Variants in RORB observed in about 807,000 individuals in gnomAD.
The protein encoded by RORB is RAR related orphan receptor B, also known as nuclear receptor ROR-beta.
RORB carries 6 observed loss-of-function variants against 59.1 expected under a neutral mutation model. That is an observed-to-expected ratio of 0.10 (90% CI 0.06 to 0.20). The LOEUF is 0.20. RORB is among the 10% of genes least tolerant of loss of function. RORB has a pLI of 1.00. For missense variants in RORB, 320 were observed against 560.5 expected, an observed-to-expected ratio of 0.57 and a Z score of 4.33; for synonymous variants, 215 against 204.5, an observed-to-expected ratio of 1.05 and a Z score of -0.44.
At chr9:74,614,452 G>T (rs1052671159) in intron 1 of RORB, among the ~76,000 whole-genome samples, 1 of 151,962 alleles carries the variant, frequency 6.6e-6, no homozygotes. Flanking sequence ...GATTATAGTT[G>T]CTCTTGGCAC....
chr9:74,649,371 C>T (rs75325371), intron 4 of RORB, among the ~76,000 whole-genome samples: 108 of 152,296 alleles, frequency 7.1e-4, no homozygotes, highest in East Asian at 6.8e-3. Context: ...CACAGAATAT[C>T]TCCCAAAGCC....
intron 1 of RORB, among the ~76,000 whole-genome samples, chr9:74,601,384 A>AT (rs1299941338): frequency 2.4e-5 from 3 of 122,920 alleles, no homozygotes; most frequent in East Asian, 6.0e-4. Context: ...TATATATATT[A>AT]TATATATATA....
chr9:74,584,562 T>A (rs900609884), intron 1 of RORB, among the ~76,000 whole-genome samples: 4 of 152,206 alleles, frequency 2.6e-5, no homozygotes, highest in Admixed American at 1.3e-4. Context: ...AGTCTGGGAC[T>A]TTCACCATGC....
intron 1 of RORB, among the ~76,000 whole-genome samples, chr9:74,581,283 A>C (rs1388535685): frequency 6.6e-6 from 1 of 152,072 alleles, no homozygotes; most frequent in Non-Finnish European, 1.5e-5. Context: ...ATAGTGGTAA[A>C]AGGTTAGGAA....
At chr9:74,615,226 G>A (rs1823292169) in intron 1 of RORB, among the ~76,000 whole-genome samples, 1 of 152,164 alleles carries the variant, frequency 6.6e-6, no homozygotes, top group Non-Finnish European at 1.5e-5. Context: ...CATGCCATAT[G>A]CATATCGAAT....
At chr9:74,589,965 A>T (rs1351846778) in intron 1 of RORB, among the ~76,000 whole-genome samples, 5 of 152,206 alleles carry the variant, frequency 3.3e-5, no homozygotes, top group Non-Finnish European at 7.3e-5. Flanking sequence ...TTAAAATCAA[A>T]TTCCACCTCC....
intron 1 of RORB, among the ~76,000 whole-genome samples, chr9:74,608,912 C>T (rs1361963633): frequency 2.6e-5 from 4 of 152,170 alleles, no homozygotes; most frequent in Admixed American, 2.6e-4. Context: ...TTAGTAAGTA[C>T]CCTTCAGATA....
intron 4 of RORB, among the ~76,000 whole-genome samples, chr9:74,659,488 TGTTTTGTTTTGTTTTGCTTC>T (rs1166626674): frequency 6.6e-6 from 1 of 152,070 alleles, no homozygotes; most frequent in Non-Finnish European, 1.5e-5. Flanking sequence ...AGGCTTGTTT[TGTTTTGTTTTGTTTTGCTTC>T]GTTTTGTTTT....
intron 1 of RORB, among the ~76,000 whole-genome samples, chr9:74,623,409 C>T (rs946657655): frequency 5.9e-5 from 9 of 151,318 alleles, no homozygotes; most frequent in African/African-American, 2.2e-4. Context: ...CTTTTTTCTG[C>T]CTTGTCAATT....
At chr9:74,556,822 CA>C (rs1822299277) in intron 1 of RORB, among the ~76,000 whole-genome samples, 1 of 152,100 alleles carries the variant, frequency 6.6e-6, no homozygotes, top group East Asian at 1.9e-4. Flanking sequence ...TGAATGGGGC[CA>C]TAGAAATATT....
At chr9:74,615,242 T>C (rs1823293306) in intron 1 of RORB, among the ~76,000 whole-genome samples, 1 of 152,230 alleles carries the variant, frequency 6.6e-6, no homozygotes, top group Non-Finnish European at 1.5e-5. Context: ...CGAATCTGTT[T>C]CCAAAAGGAT....
chr9:74,642,168 A>C (rs1255692254), intron 3 of RORB, among the ~76,000 whole-genome samples: 1 of 152,200 alleles, frequency 6.6e-6, no homozygotes, highest in African/African-American at 2.4e-5. Context: ...AAATACATAC[A>C]TAAGTTTTTA....
At chr9:74,669,875 C>A (rs1345375193) in intron 8 of RORB, among the ~76,000 whole-genome samples, 1 of 152,170 alleles carries the variant, frequency 6.6e-6, no homozygotes, top group Non-Finnish European at 1.5e-5. Flanking sequence ...TTTCCAATAA[C>A]ACCAATGTCT....
At chr9:74,620,490 A>AG (rs141567540) in intron 1 of RORB, among the ~76,000 whole-genome samples, 1 of 151,800 alleles carries the variant, frequency 6.6e-6, no homozygotes, top group Non-Finnish European at 1.5e-5. Flanking sequence ...TTTCAAAAAA[A>AG]CCAGCTCCTG....
chr9:74,545,868 T>C lies in RORB; in HGVS notation c.7+47885T>C, dbSNP rs112938484. ...GGCATAAGCCAATAATTGATGGACC[T>C]TTCGTAGAGCCTTTAAATCAGGGCA... On this transcript the variant is annotated intron_variant, in intron 1 of 9. Transcript: ENST00000376896. Among the ~76,000 whole-genome samples, 453 of 152,322 alleles carry C rather than the reference T, an allele frequency of 3.0e-3. 1 individual carries two copies. The highest frequency in any genetic ancestry group is 0.01 in the African/African-American group (429 of 41,572).
intron 1 of RORB, among the ~76,000 whole-genome samples, chr9:74,528,372 G>T (rs954924780): frequency 6.6e-6 from 1 of 152,016 alleles, no homozygotes; most frequent in African/African-American, 2.4e-5. Flanking sequence ...GGTTAGTACT[G>T]CAAGCCTCAG....
In RORB at chr9:74,636,025, G is replaced by A. The variant is rs577718136; in HGVS notation, c.235+1253G>A. Among the ~76,000 whole-genome samples, 3 of 148,020 alleles carry A rather than the reference G, an allele frequency of 2.0e-5. No individual in the cohort carries two copies. The South Asian group carries it at 6.5e-4, about 32-fold the overall frequency. ...TATAGGTAGCTTCCAAAGCTACAGA[G>A]ACGAGGTTTCCAAAATTTTTCTATT... On this transcript the variant is annotated intron_variant, in intron 3 of 9. Coordinates refer to ENST00000376896, the MANE Select transcript of RORB (RefSeq NM_006914.4).
rs929946769 is a variant in RORB at position 74,588,466 on chromosome 9, C to G, written c.8-41816C>G. On this transcript the variant is annotated intron_variant, in intron 1 of 9. Coordinates refer to ENST00000376896, the MANE Select transcript of RORB (RefSeq NM_006914.4). ...AGAAGTCAATACCTATGTTTTTAAT[C>G]TACACATAAAATAATGATTTTAAGA... Among the ~76,000 whole-genome samples the G allele has an allele frequency of 2.0e-5, 3 of 152,118 alleles. No individual in the cohort carries two copies. The East Asian group carries it at 5.8e-4, about 29-fold the overall frequency.
At chr9:74,535,518 AC>A (rs900755545) in intron 1 of RORB, among the ~76,000 whole-genome samples, 2 of 151,916 alleles carry the variant, frequency 1.3e-5, no homozygotes, top group African/African-American at 4.8e-5. Flanking sequence ...GCTTCTGTTT[AC>A]CCTAGTAAAA....
Sources: gnomAD v4.1 joint callset for allele counts (sites outside exome capture counted in the v4.1 genomes callset) on GRCh38, gnomAD v4.1.1 for gene constraint, MANE v1.5 for transcripts, NCBI Gene and HGNC (gene_info 2026-07-23, HGNC 2026-07-21) for gene names.